The following OTOF variants were observed in gnomAD, a reference collection of about 807,000 sequenced individuals.
The protein encoded by OTOF is otoferlin.
Under a neutral mutation model 236.8 loss-of-function variants are expected in OTOF, and 218 were observed. The ratio of observed to expected loss-of-function variants is 0.92; its 90% CI spans 0.82 to 1.03. The LOEUF is 1.03. OTOF is among the 50% of genes least tolerant of loss of function. The pLI, the probability that OTOF is intolerant of heterozygous loss-of-function variation, is 0.00. For synonymous variants in OTOF, 1,041 were observed against 1,072.5 expected, an observed-to-expected ratio of 0.97 and a Z score of 0.57; for missense variants, 2,590 against 2,694.4, an observed-to-expected ratio of 0.96 and a Z score of 0.86.
chr2:26,472,726 G>A (rs1665052932), intron 29 of OTOF, 77 bp from the exon 30 acceptor site: 3 of 1,482,934 alleles, frequency 2.0e-6, no homozygotes, highest in Non-Finnish European at 2.8e-6. Flanking sequence ...GCAGGAAGGT[G>A]CGGAGAACTA....
chr2:26,473,087 G>A lies in OTOF; in HGVS notation c.3733+45C>T. On this transcript the variant is annotated intron_variant, in intron 29 of 46. Transcript: ENST00000272371. The surrounding 1 kb of genome is among the most constrained non-coding windows in gnomAD (Gnocchi z 7.2). Reference sequence around the variant, plus strand: ...GGCGGAGACCTGGAGCCCTTCCCTGGGGGGCGTGGAGCCAGGCTTGGTGGC... The same window carrying A: ...GGCGGAGACCTGGAGCCCTTCCCTGAGGGGCGTGGAGCCAGGCTTGGTGGC... 6.3e-7 allele frequency: 1 copy of A among 1,586,626 alleles called. No individual in the cohort carries two copies. Among genetic ancestry groups the A allele is most frequent in the Admixed American group, 1.7e-5 (1 of 59,716 alleles).
At chr2:26,537,922 T>A in intron 1 of OTOF, 148 bp from the exon 2 acceptor site, 1 of 703,976 alleles carries the variant, frequency 1.4e-6, no homozygotes, top group Non-Finnish European at 2.6e-6. Flanking sequence ...TCTCCCAGGG[T>A]GAGGCCAGTC....
chr2:26,529,764 A>T (rs561780221), intron 2 of OTOF, among the ~76,000 whole-genome samples: 2 of 134,888 alleles, frequency 1.5e-5, no homozygotes, highest in Non-Finnish European at 3.2e-5. Context: ...CATGAGAGGG[A>T]GGAAGAAGCA....
rs58898450 is a variant in OTOF at position 26,459,948 on chromosome 2, G to GTGTA, written c.*17+59_*17+60insTACA. On this transcript the variant is annotated intron_variant, in intron 46 of 46. Transcript: ENST00000272371. ...TTTGTGGATGTGTGCGTGTATATGTGTGTGTGTGCACGCGCCTGCCTAGCC... is the reference window on the plus strand; with the variant it reads ...TTTGTGGATGTGTGCGTGTATATGTGTGTATGTGTGTGCACGCGCCTGCCTAGCC... 0.03 allele frequency: 44,138 copies of GTGTA among 1,463,372 alleles called. 1,968 individuals carry two copies. Among genetic ancestry groups the GTGTA allele is most frequent in the African/African-American group, 0.18 (12,524 of 71,302 alleles). The allele number at this position is 1,463,372 out of a possible 1,614,324, so 90.6% of individuals were successfully genotyped here. A position where few individuals can be genotyped will look rare whatever the true frequency, so the allele number is the denominator to read the frequency against.
chr2:26,513,359 G>A (rs1433346382), intron 5 of OTOF, among the ~76,000 whole-genome samples: 1 of 152,162 alleles, frequency 6.6e-6, no homozygotes, highest in African/African-American at 2.4e-5. Context: ...CTGGGGGGTG[G>A]ACCCAGGCCC....
chr2:26,485,708 C>T (rs1238789819), intron 11 of OTOF, among the ~76,000 whole-genome samples: 1 of 152,216 alleles, frequency 6.6e-6, no homozygotes, highest in Admixed American at 6.5e-5. Flanking sequence ...TCTACCGTAG[C>T]CCAGGCCTGT....
intron 1 of OTOF, among the ~76,000 whole-genome samples, chr2:26,552,907 G>T (rs1186681071): frequency 1.3e-5 from 2 of 152,240 alleles, no homozygotes; most frequent in African/African-American, 4.8e-5. Flanking sequence ...CTCCAAGAGA[G>T]GGGGTGCTAG....
At chr2:26,539,501 C>T (rs1037145175) in intron 1 of OTOF, among the ~76,000 whole-genome samples, 1 of 152,140 alleles carries the variant, frequency 6.6e-6, no homozygotes, top group African/African-American at 2.4e-5. Context: ...TTTGGGAGGC[C>T]GAGGCGGGCG....
At chr2:26,463,928 AC>A in intron 40 of OTOF, 35 bp downstream of exon 40, 1 of 1,612,866 alleles carries the variant, frequency 6.2e-7, no homozygotes, top group South Asian at 1.1e-5. Context: ...GGTCCCCAAT[AC>A]CCAAGAACCC....
intron 4 of OTOF, among the ~76,000 whole-genome samples, chr2:26,516,904 T>A (rs970413207): frequency 1.3e-5 from 2 of 152,110 alleles, no homozygotes; most frequent in African/African-American, 4.8e-5. Flanking sequence ...GAGCCTGGAC[T>A]CACCCCCCGA....
At chr2:26,468,289 G>T in intron 33 of OTOF, 119 bp downstream of exon 33, 1 of 798,964 alleles carries the variant, frequency 1.3e-6, no homozygotes. Context: ...TGCTTCCCTG[G>T]CTACTAAGGC....
chr2:26,517,006 G>A (rs929647119), intron 4 of OTOF, among the ~76,000 whole-genome samples: 1 of 152,186 alleles, frequency 6.6e-6, no homozygotes, highest in Admixed American at 6.5e-5. Flanking sequence ...GCAGGCATGA[G>A]GCGCGGCCCG....
At chr2:26,524,911 T>C (rs1292959517) in intron 3 of OTOF, among the ~76,000 whole-genome samples, 1 of 152,250 alleles carries the variant, frequency 6.6e-6, no homozygotes, top group Non-Finnish European at 1.5e-5. Flanking sequence ...TTGGCACCTA[T>C]GGTTGGGTTC....
chr2:26,502,318 G>A lies in OTOF; in HGVS notation c.692C>T (p.Thr231Ile). 1 of 1,614,136 alleles carries A rather than the reference G, an allele frequency of 6.2e-7. No homozygotes were observed. The change falls in exon 7 of 47, where the codon ACT becomes ATT. Residue 231 changes from threonine to isoleucine, a missense_variant. By Grantham distance (89) the Thr-to-Ile change is moderately conservative. This residue lies in a region of OTOF where 1,379 missense variants were observed against 1,341.6 expected (regional missense o/e 1.03). Transcript: ENST00000272371. Reference protein sequence around the residue: ...VSLASVTALTTNVSNKRSKPD... With the variant: ...VSLASVTALTINVSNKRSKPD... ...CACTCACCGCTTGTTGGAGACATTA[G>A]TGGTGAGAGCTGTGACTGAGGCTAG...
chr2:26,494,919 C>T (rs781416252), intron 9 of OTOF, 23 bp downstream of exon 9: 3 of 1,614,066 alleles, frequency 1.9e-6, no homozygotes, highest in South Asian at 1.1e-5. Flanking sequence ...TACAGAGGCT[C>T]CTTTCCCCAC....
Position 26,482,397 on chromosome 2 carries a change from G to T in OTOF, c.1579+9C>A. 6.2e-7 allele frequency: 1 copy of T among 1,612,662 alleles called. No individual in the cohort carries two copies. Among genetic ancestry groups the T allele is most frequent in the Non-Finnish European group, 8.5e-7 (1 of 1,179,734 alleles). On this transcript the variant is annotated intron_variant, in intron 14 of 46. Transcript: ENST00000272371. The stretch of plus-strand genomic sequence containing the variant: ...TGCCCCCCAGCACACCGGGTCTCCC[G>T]CTGCTGACCTTTGTCTCCGTCATTA...
chr2:26,555,784 C>T (rs1159957732), intron 1 of OTOF, among the ~76,000 whole-genome samples: 1 of 152,126 alleles, frequency 6.6e-6, no homozygotes, highest in Non-Finnish European at 1.5e-5. Flanking sequence ...AGAGAAGATA[C>T]CTCAGGGGCC....
chr2:26,511,901 G>T (rs1241726136), intron 5 of OTOF, among the ~76,000 whole-genome samples: 1 of 152,194 alleles, frequency 6.6e-6, no homozygotes, highest in Non-Finnish European at 1.5e-5. Flanking sequence ...CTTGGGGTAA[G>T]GCTGCATGTA....
chr2:26,541,369 G>C (rs2148126602), intron 1 of OTOF, among the ~76,000 whole-genome samples: 1 of 152,274 alleles, frequency 6.6e-6, no homozygotes, highest in African/African-American at 2.4e-5. Context: ...TTAGGCCCTG[G>C]GGATTTAGAG....
Sources: gnomAD v4.1 joint callset for allele counts (sites outside exome capture counted in the v4.1 genomes callset) on GRCh38, gnomAD v4.1.1 for gene constraint, gnomAD v4.1.1 regional missense constraint, Gnocchi (gnomAD v3.1) non-coding constraint, MANE v1.5 for transcripts, NCBI Gene and HGNC (gene_info 2026-07-23, HGNC 2026-07-21) for gene names.